Variants in GNAO1 observed in about 807,000 individuals in gnomAD.
GNAO1 encodes the protein guanine nucleotide-binding protein G(o) subunit alpha.
For synonymous variants in GNAO1, 164 were observed against 180.7 expected (o/e 0.91, Z 0.74); for missense variants, 166 against 478.7 (o/e 0.35, Z 6.10).
intron 2 of GNAO1, among the ~76,000 whole-genome samples, chr16:56,218,349 C>A (rs1442543510): frequency 2.0e-5 from 3 of 152,344 alleles, no homozygotes; most frequent in African/African-American, 7.2e-5. Flanking sequence ...CAGACCATCA[C>A]CCACCAGTCT....
chr16:56,297,291 A>G (rs1420493735), intron 3 of GNAO1, among the ~76,000 whole-genome samples: 2 of 151,890 alleles, frequency 1.3e-5, no homozygotes, highest in African/African-American at 4.8e-5. Flanking sequence ...CCTGCCCTGT[A>G]CCCTCATCCA....
At chr16:56,224,267 G>T (rs1227307288) in intron 2 of GNAO1, among the ~76,000 whole-genome samples, 2 of 152,202 alleles carry the variant, frequency 1.3e-5, no homozygotes, top group Non-Finnish European at 2.9e-5. Context: ...GAGCTCAGTA[G>T]AAGAGTGAGA....
At chr16:56,293,962 TA>T (rs1361145229) in intron 3 of GNAO1, among the ~76,000 whole-genome samples, 6 of 152,224 alleles carry the variant, frequency 3.9e-5, no homozygotes, top group Non-Finnish European at 7.3e-5. Flanking sequence ...TCATGCTTAG[TA>T]GGTGATAGCT....
chr16:56,310,132 C>T (rs954716692), intron 3 of GNAO1, among the ~76,000 whole-genome samples: 1 of 151,614 alleles, frequency 6.6e-6, no homozygotes, highest in South Asian at 2.1e-4. Context: ...CATAGTGAGA[C>T]CCCATTTCTA....
At chr16:56,281,312 A>G (rs2037111834) in intron 3 of GNAO1, among the ~76,000 whole-genome samples, 1 of 152,086 alleles carries the variant, frequency 6.6e-6, no homozygotes, top group South Asian at 2.1e-4. Flanking sequence ...GACCAGAGAC[A>G]GCTCCCCCTG....
chr16:56,294,241 T>C (rs1229309915), intron 3 of GNAO1, among the ~76,000 whole-genome samples: 1 of 151,108 alleles, frequency 6.6e-6, no homozygotes, highest in Non-Finnish European at 1.5e-5. Flanking sequence ...AAGCTTCCCA[T>C]AGGCGGGATG....
chr16:56,213,527 C>T (rs1385467652), intron 2 of GNAO1: 39 of 390,294 alleles, frequency 1.0e-4, no homozygotes, highest in East Asian at 8.7e-4. Context: ...GATGGGATGG[C>T]GGAGGATGAG....
chr16:56,344,698 C>T lies in GNAO1; in HGVS notation c.724-6686C>T, dbSNP rs868773074. On this transcript the variant is annotated intron_variant, in intron 6 of 8. Transcript: ENST00000262493. ...GGAAGGGAGGTGGAAGCTCCTGTGT[C>T]ACCTGGGCTGGGGCCTCCCGCCCAG... 3.4e-4 allele frequency: 332 copies of T among 985,512 alleles called. 2 individuals are homozygous for T. The Middle Eastern group carries it at 5.2e-3, about 15-fold the overall frequency. 61.0% of individuals were successfully genotyped at this position (985,512 alleles called of 1,614,324 possible).
intron 6 of GNAO1, among the ~76,000 whole-genome samples, chr16:56,350,515 G>A (rs1024513690): frequency 1.1e-4 from 16 of 152,334 alleles, no homozygotes; most frequent in African/African-American, 3.4e-4. Context: ...GGCTGCCCCC[G>A]TTCGGCATCT....
chr16:56,221,722 G>C (rs2036491152), intron 2 of GNAO1, among the ~76,000 whole-genome samples: 1 of 150,910 alleles, frequency 6.6e-6, no homozygotes, highest in Non-Finnish European at 1.5e-5. Context: ...TTGTTCTTGA[G>C]AACAGTTGTT....
intron 2 of GNAO1, chr16:56,271,013 C>T (rs1567463412): frequency 6.6e-6 from 1 of 152,246 alleles, no homozygotes; most frequent in Non-Finnish European, 1.5e-5. Context: ...GTCACCTCCA[C>T]AACTCAGACC....
At chr16:56,330,021 C>G (rs140867383) in intron 4 of GNAO1, among the ~76,000 whole-genome samples, 2 of 152,358 alleles carry the variant, frequency 1.3e-5, no homozygotes, top group Non-Finnish European at 2.9e-5. Flanking sequence ...CCAATGTTCA[C>G]TCCTGGACAT....
chr16:56,311,925 C>A lies in GNAO1; in HGVS notation c.304-16706C>A, dbSNP rs1347593658. Among the ~76,000 whole-genome samples the A allele has an allele frequency of 6.6e-6, 1 of 152,222 alleles. No individual in the cohort carries two copies. Among genetic ancestry groups the A allele is most frequent in the Non-Finnish European group, 1.5e-5 (1 of 68,042 alleles). The stretch of plus-strand genomic sequence containing the variant: ...TCCCACCTGCCGCATGTAAACACTA[C>A]CAGCATCAACACGGTAATGCCGGTT... On this transcript the variant is annotated intron_variant, in intron 3 of 8. Coordinates refer to ENST00000262493, the MANE Select transcript of GNAO1 (RefSeq NM_020988.3). The surrounding 1 kb of genome is among the most constrained non-coding windows in gnomAD (Gnocchi z 5.2).
chr16:56,322,566 C>A (rs1468574340), intron 3 of GNAO1, among the ~76,000 whole-genome samples: 1 of 152,082 alleles, frequency 6.6e-6, no homozygotes, highest in East Asian at 1.9e-4. Flanking sequence ...TCCCCTCAGG[C>A]CTGGCCCTTC....
intron 2 of GNAO1, among the ~76,000 whole-genome samples, chr16:56,265,260 G>T (rs2036941038): frequency 6.6e-6 from 1 of 152,208 alleles, no homozygotes; most frequent in African/African-American, 2.4e-5. Flanking sequence ...AGGGTCACAT[G>T]GAGCCACATC....
intron 3 of GNAO1, among the ~76,000 whole-genome samples, chr16:56,297,806 A>T (rs551684570): frequency 6.6e-6 from 1 of 152,174 alleles, no homozygotes; most frequent in South Asian, 2.1e-4. Flanking sequence ...TGAAGATGGA[A>T]AAATGTGTGC....
chr16:56,285,783 C>T (rs1176232612), intron 3 of GNAO1, among the ~76,000 whole-genome samples: 1 of 152,206 alleles, frequency 6.6e-6, no homozygotes, highest in African/African-American at 2.4e-5. Context: ...CAGTGCAGTG[C>T]TGGCCCTGTG....
chr16:56,332,154 G>A (rs373657961), intron 4 of GNAO1, among the ~76,000 whole-genome samples: 2 of 152,170 alleles, frequency 1.3e-5, no homozygotes, highest in South Asian at 2.1e-4. Flanking sequence ...CAACAGGGCC[G>A]TTGTCAACAT....
chr16:56,316,355 G>A (rs998830770), intron 3 of GNAO1, among the ~76,000 whole-genome samples: 1 of 152,188 alleles, frequency 6.6e-6, no homozygotes, highest in Admixed American at 6.5e-5. Flanking sequence ...CCCACCAGGG[G>A]TAGGGCACCC....
Sources: gnomAD v4.1 joint callset for allele counts (sites outside exome capture counted in the v4.1 genomes callset) on GRCh38, gnomAD v4.1.1 for gene constraint, Gnocchi (gnomAD v3.1) non-coding constraint, MANE v1.5 for transcripts, NCBI Gene and HGNC (gene_info 2026-07-23, HGNC 2026-07-21) for gene names.